Variants in GIN1 observed in about 807,000 individuals in gnomAD.
GIN1 encodes the protein gypsy retrotransposon integrase 1.
Under a neutral mutation model 51.4 loss-of-function variants are expected in GIN1, and 41 were observed. The observed-to-expected ratio is 0.80, with a 90% CI of 0.62 to 1.04. The LOEUF is 1.04. Among genes scored for constraint, GIN1 ranks in the 50% least tolerant of loss-of-function variants. GIN1 has a pLI of 0.00. For synonymous variants in GIN1, 222 were observed against 206.5 expected (o/e 1.07, Z -0.64); for missense variants, 610 against 612.4 (o/e 1.00, Z 0.04).
chr5:103,112,650 A>C (rs1225349539), intron 1 of GIN1, among the ~76,000 whole-genome samples: 3 of 152,142 alleles, frequency 2.0e-5, no homozygotes, highest in Non-Finnish European at 4.4e-5. Context: ...CCATCTTTCA[A>C]AATCAAGCTC....
intron 1 of GIN1, among the ~76,000 whole-genome samples, chr5:103,112,580 T>C (rs1303619705): frequency 6.6e-6 from 1 of 152,168 alleles, no homozygotes; most frequent in African/African-American, 2.4e-5. Context: ...CCATTCTCTA[T>C]ACCTTGGTTT....
At chr5:103,103,881 C>T (rs1477725694) in intron 4 of GIN1, among the ~76,000 whole-genome samples, 1 of 152,098 alleles carries the variant, frequency 6.6e-6, no homozygotes, top group East Asian at 1.9e-4. Flanking sequence ...CCTCCGCCTC[C>T]CGGGCTCAAG....
Position 103,106,704 on chromosome 5 carries a change from C to T in GIN1, c.333+12G>A. On this transcript the variant is annotated intron_variant, in intron 3 of 7. Coordinates refer to ENST00000399004, the MANE Select transcript of GIN1 (RefSeq NM_017676.2). ...GACATTATTCATAATACTCTAAATA[C>T]ATAAGCCATACCCACTGTTTGACAT... is the stretch of plus-strand genomic sequence containing the variant. 6.8e-7 allele frequency: 1 copy of T among 1,462,776 alleles called. No individual in the cohort carries two copies. Among genetic ancestry groups the T allele is most frequent in the Non-Finnish European group, 9.4e-7 (1 of 1,064,714 alleles). The allele number at this position is 1,462,776 out of a possible 1,614,324, so 90.6% of individuals were successfully genotyped here.
Position 103,104,721 on chromosome 5 carries a change from T to C in GIN1, c.459A>G (p.Thr153=). The change falls in exon 4 of 8, where the codon ACA becomes ACG. Residue 153 remains threonine (T), a synonymous_variant. Transcript: ENST00000399004. ...VTVDLMGPFH[T]SNRSHVYAII... is the part of the protein sequence containing the mutation. ...TAGCATATACATGACTTCTGTTGCT[T>C]GTATGAAAAGGCCCCATCAGATCAA... The C allele has an allele frequency of 6.2e-7, 1 of 1,612,866 alleles. No homozygotes were observed. The highest frequency in any genetic ancestry group is 8.5e-7 in the Non-Finnish European group (1 of 1,178,894).
intron 7 of GIN1, among the ~76,000 whole-genome samples, chr5:103,093,831 C>T (rs927935484): frequency 2.6e-5 from 4 of 152,076 alleles, no homozygotes; most frequent in Non-Finnish European, 4.4e-5. Context: ...TCTGAAAAAG[C>T]GCTTGGCAAT....
chr5:103,115,091 G>T (rs1189980319), intron 1 of GIN1, among the ~76,000 whole-genome samples: 1 of 152,170 alleles, frequency 6.6e-6, no homozygotes, highest in Non-Finnish European at 1.5e-5. Context: ...CAGATATAAG[G>T]TTCATTCATT....
chr5:103,087,798 A>T lies in GIN1; in HGVS notation c.*100T>A. 1 of 569,670 alleles carries T rather than the reference A, an allele frequency of 1.8e-6. No homozygotes were observed. Among genetic ancestry groups the T allele is most frequent in the South Asian group, 2.6e-5 (1 of 38,974 alleles). The allele number at this position is 569,670 out of a possible 1,614,324, so 35.3% of individuals were successfully genotyped here. On this transcript the variant is annotated 3_prime_UTR_variant, in exon 8 of 8. Coordinates refer to ENST00000399004, the MANE Select transcript of GIN1 (RefSeq NM_017676.2). Reference sequence around the variant, plus strand: ...AAACCTTCAGAATATAGTCATTAAGAATGTGTCAAGATACTTCTTCTATAC... The same window carrying T: ...AAACCTTCAGAATATAGTCATTAAGTATGTGTCAAGATACTTCTTCTATAC...
chr5:103,111,488 G>A (rs920913804), intron 1 of GIN1, among the ~76,000 whole-genome samples: 3 of 152,066 alleles, frequency 2.0e-5, no homozygotes, highest in African/African-American at 7.2e-5. Flanking sequence ...GGAAGACGAG[G>A]TTTATAAAAG....
intron 4 of GIN1, among the ~76,000 whole-genome samples, chr5:103,100,505 C>T (rs1583120148): frequency 2.0e-5 from 3 of 152,158 alleles, no homozygotes; most frequent in South Asian, 2.1e-4. Flanking sequence ...AATCCTTACA[C>T]GTTAGCCTCC....
At chr5:103,116,543 CT>C (rs1334257863) in intron 1 of GIN1, among the ~76,000 whole-genome samples, 1 of 152,024 alleles carries the variant, frequency 6.6e-6, no homozygotes, top group Admixed American at 6.6e-5. Flanking sequence ...CAACAAAAAT[CT>C]TTGTGAGCTC....
At chr5:103,110,188 TTAAA>T (rs782295114) in intron 1 of GIN1, among the ~76,000 whole-genome samples, 11 of 140,544 alleles carry the variant, frequency 7.8e-5, no homozygotes, top group African/African-American at 1.7e-4. Flanking sequence ...CAAAGATTTC[TTAAA>T]TAAGACACAA....
intron 1 of GIN1, among the ~76,000 whole-genome samples, chr5:103,118,884 C>T (rs1788200078): frequency 1.4e-5 from 2 of 147,366 alleles, no homozygotes; most frequent in Non-Finnish European, 3.0e-5. Context: ...GTGGTTTCTA[C>T]TACATAAAGA....
chr5:103,111,252 C>T (rs531991125), intron 1 of GIN1, among the ~76,000 whole-genome samples: 9 of 151,932 alleles, frequency 5.9e-5, no homozygotes, highest in African/African-American at 1.7e-4. Flanking sequence ...ACAATGATAA[C>T]ACATTCTTTC....
At chr5:103,105,333 T>C in intron 3 of GIN1, among the ~76,000 whole-genome samples, 1 of 152,158 alleles carries the variant, frequency 6.6e-6, no homozygotes, top group East Asian at 1.9e-4. Flanking sequence ...TTGGGTCTTA[T>C]TCACATGGAA....
chr5:103,092,401 GATTT>G (rs1435631898), intron 7 of GIN1, among the ~76,000 whole-genome samples: 1 of 151,832 alleles, frequency 6.6e-6, no homozygotes, highest in Non-Finnish European at 1.5e-5. Context: ...AAAAAAGTCT[GATTT>G]AGATTAATGT....
intron 7 of GIN1, among the ~76,000 whole-genome samples, chr5:103,094,392 C>T (rs1488699789): frequency 6.6e-6 from 1 of 152,088 alleles, no homozygotes; most frequent in Admixed American, 6.5e-5. Context: ...GTCTTAAATT[C>T]CTTATGCATA....
chr5:103,087,249 T>A lies in GIN1; in HGVS notation c.*649A>T, dbSNP rs1787099693. 1 of 152,298 alleles carries A rather than the reference T, an allele frequency of 6.6e-6. No homozygotes were observed. The highest frequency in any genetic ancestry group is 2.4e-5 in the African/African-American group (1 of 41,460). The allele number at this position is 152,298 out of a possible 1,614,324, so 9.4% of individuals were successfully genotyped here. A position where few individuals can be genotyped will look rare whatever the true frequency, so the allele number is the denominator to read the frequency against. On this transcript the variant is annotated 3_prime_UTR_variant, in exon 8 of 8. Coordinates refer to ENST00000399004, the MANE Select transcript of GIN1 (RefSeq NM_017676.2). ...CCTTGGCTTCCCAAAGCGCTGGGAT[T>A]ACAGGTGTGGGCCACCATGCCTGGT...
chr5:103,101,712 CAT>C (rs1196438878), intron 4 of GIN1, among the ~76,000 whole-genome samples: 7 of 152,208 alleles, frequency 4.6e-5, no homozygotes, highest in African/African-American at 1.2e-4. Flanking sequence ...GGTGAGGAAA[CAT>C]GTGGATTCTC....
intron 4 of GIN1, among the ~76,000 whole-genome samples, chr5:103,101,760 G>A (rs1341962959): frequency 6.6e-6 from 1 of 152,196 alleles, no homozygotes; most frequent in Non-Finnish European, 1.5e-5. Flanking sequence ...TAGCATGTGT[G>A]ACATACATGT....
Sources: gnomAD v4.1 joint callset for allele counts (sites outside exome capture counted in the v4.1 genomes callset) on GRCh38, gnomAD v4.1.1 for gene constraint, MANE v1.5 for transcripts, NCBI Gene and HGNC (gene_info 2026-07-23, HGNC 2026-07-21) for gene names.